Variants in UBE2QL1 observed in about 807,000 individuals in gnomAD.
UBE2QL1 encodes ubiquitin-conjugating enzyme E2Q-like protein 1.
UBE2QL1 carries 5 observed loss-of-function variants against 12.6 expected under a neutral mutation model. The observed-to-expected ratio is 0.40, with a 90% CI of 0.21 to 0.83. The LOEUF is 0.83. Among genes scored for constraint, UBE2QL1 ranks in the 40% least tolerant of loss-of-function variants. The pLI is 0.37. For synonymous variants in UBE2QL1, 96 were observed against 94.5 expected (o/e 1.02, Z -0.10); for missense variants, 99 against 222.6 (o/e 0.44, Z 3.53).
intron 1 of UBE2QL1, among the ~76,000 whole-genome samples, chr5:6,454,358 G>T (rs992912453): frequency 1.3e-5 from 2 of 152,130 alleles, no homozygotes; most frequent in Non-Finnish European, 2.9e-5. Flanking sequence ...TTCTGTGTGT[G>T]TCTGTGTCCT....
intron 1 of UBE2QL1, among the ~76,000 whole-genome samples, chr5:6,471,535 A>C (rs1739912476): frequency 6.6e-6 from 1 of 152,228 alleles, no homozygotes; most frequent in African/African-American, 2.4e-5. Context: ...ACAGCATGGC[A>C]GCTGGCCTCC....
rs1324693897 is a variant in UBE2QL1 at position 6,478,878 on chromosome 5, T to A, written c.355-12340T>A. On this transcript the variant is annotated intron_variant, in intron 1 of 1. Transcript: ENST00000399816. This position sits in a 1 kb window ranked among gnomAD's most constrained non-coding sequence, Gnocchi z 4.5. ...GGAAACAGGCAAAAGGCAGGAGACA[T>A]GGAGAGTGGGTGCCCATCGGTGCAT... is the stretch of plus-strand genomic sequence containing the variant. Among the ~76,000 whole-genome samples, 1 of 152,066 alleles carries A rather than the reference T, an allele frequency of 6.6e-6. No homozygotes were observed. The highest frequency in any genetic ancestry group is 1.5e-5 in the Non-Finnish European group (1 of 67,990).
intron 1 of UBE2QL1, among the ~76,000 whole-genome samples, chr5:6,463,582 G>C (rs917133916): frequency 6.8e-6 from 1 of 147,554 alleles, no homozygotes; most frequent in African/African-American, 2.5e-5. Flanking sequence ...ACCCAGGTAG[G>C]CTTTGTATTT....
intron 1 of UBE2QL1, among the ~76,000 whole-genome samples, chr5:6,457,366 CAGA>C (rs1439658188): frequency 6.6e-6 from 1 of 152,082 alleles, no homozygotes; most frequent in Non-Finnish European, 1.5e-5. Flanking sequence ...CTCTGAACTG[CAGA>C]GGAGGAAGCT....
chr5:6,471,474 T>G (rs1238210388), intron 1 of UBE2QL1, among the ~76,000 whole-genome samples: 1 of 152,226 alleles, frequency 6.6e-6, no homozygotes, highest in Non-Finnish European at 1.5e-5. Flanking sequence ...CTGGGTGGTG[T>G]TGGCTGAAGG....
intron 1 of UBE2QL1, among the ~76,000 whole-genome samples, chr5:6,455,476 G>A (rs1579286389): frequency 6.6e-6 from 1 of 152,142 alleles, no homozygotes; most frequent in East Asian, 1.9e-4. Flanking sequence ...TGTTGATGTA[G>A]TCGGGAGGGG....
chr5:6,493,994 G>C lies in UBE2QL1; in HGVS notation c.*2645G>C, dbSNP rs2126381433. The C allele has an allele frequency of 6.6e-6, 1 of 152,330 alleles. No homozygotes were observed. Among genetic ancestry groups the C allele is most frequent in the South Asian group, 2.1e-4 (1 of 4,826 alleles). 9.4% of individuals were successfully genotyped at this position (152,330 alleles called of 1,614,324 possible). On this transcript the variant is annotated 3_prime_UTR_variant, in exon 2 of 2. Coordinates refer to ENST00000399816, the MANE Select transcript of UBE2QL1 (RefSeq NM_001145161.3). Reference sequence around the variant, plus strand: ...CTATTCCTCTTTGGACAGACAGCGAGGGAATAATCAGACAGTGGGTGCAAA... The same window carrying C: ...CTATTCCTCTTTGGACAGACAGCGACGGAATAATCAGACAGTGGGTGCAAA...
At position 6,495,627 on chromosome 5, in the gene UBE2QL1, A is replaced by G. The variant is rs1043872189; in HGVS notation, c.*4278A>G. ...AGTACAGTTGCAAGTCTTCCAAGCCAGCTGAGAAACACCCACAGGATCCAT... is the reference window on the plus strand; with the variant it reads ...AGTACAGTTGCAAGTCTTCCAAGCCGGCTGAGAAACACCCACAGGATCCAT... On this transcript the variant is annotated 3_prime_UTR_variant, in exon 2 of 2. Coordinates refer to ENST00000399816, the MANE Select transcript of UBE2QL1 (RefSeq NM_001145161.3). Among the ~76,000 whole-genome samples the G allele has an allele frequency of 3.3e-5, 5 of 152,240 alleles. No homozygotes were observed. Among genetic ancestry groups the G allele is most frequent in the Non-Finnish European group, 7.3e-5 (5 of 68,030 alleles).
Position 6,481,502 on chromosome 5 carries a change from A to G in UBE2QL1, c.355-9716A>G, listed in dbSNP as rs1734361807. ...CCCGCACACCTCTCCCTGCAGAACC[A>G]CATCATTTAGGTTCCCTGGTGTGAG... On this transcript the variant is annotated intron_variant, in intron 1 of 1. Transcript: ENST00000399816. This position sits in a 1 kb window ranked among gnomAD's most constrained non-coding sequence, Gnocchi z 4.5. 6.6e-6 allele frequency among the ~76,000 whole-genome samples: 1 copy of G among 152,144 alleles called. No homozygotes were observed. The highest frequency in any genetic ancestry group is 1.5e-5 in the Non-Finnish European group (1 of 68,000).
Position 6,491,582 on chromosome 5 carries a change from C to A in UBE2QL1, c.*233C>A. 2.5e-6 allele frequency: 1 copy of A among 394,740 alleles called. No individual in the cohort carries two copies. Among genetic ancestry groups the A allele is most frequent in the Admixed American group, 4.5e-5 (1 of 22,120 alleles). 24.5% of individuals were successfully genotyped at this position (394,740 alleles called of 1,614,324 possible). On this transcript the variant is annotated 3_prime_UTR_variant, in exon 2 of 2. Coordinates refer to ENST00000399816, the MANE Select transcript of UBE2QL1 (RefSeq NM_001145161.3). ...TAAATGAATGATCACCTCGAAGTCA[C>A]TTTAGAACACATGTTGAGATGGTGA...
chr5:6,449,342 C>T, intron 1 of UBE2QL1, 95 bp downstream of exon 1: 2 of 1,177,176 alleles, frequency 1.7e-6, no homozygotes, highest in Non-Finnish European at 1.1e-6. Context: ...CCAGCGCCGG[C>T]CCCTCCGGCC....
At chr5:6,473,828 A>G (rs1734154753) in intron 1 of UBE2QL1, among the ~76,000 whole-genome samples, 1 of 152,238 alleles carries the variant, frequency 6.6e-6, no homozygotes, top group Non-Finnish European at 1.5e-5. Context: ...AAATATCACA[A>G]TAACAAAGCC....
intron 1 of UBE2QL1, among the ~76,000 whole-genome samples, chr5:6,471,247 T>C (rs1328525940): frequency 6.6e-6 from 1 of 152,222 alleles, no homozygotes; most frequent in African/African-American, 2.4e-5. Context: ...CATAGCCCAT[T>C]ATCCTAAAAC....
At chr5:6,473,554 A>G (rs983527215) in intron 1 of UBE2QL1, among the ~76,000 whole-genome samples, 1 of 152,248 alleles carries the variant, frequency 6.6e-6, no homozygotes, top group Non-Finnish European at 1.5e-5. Context: ...AAGGACCCAC[A>G]TGGCTATTTG....
chr5:6,456,956 C>T (rs1037448755), intron 1 of UBE2QL1, among the ~76,000 whole-genome samples: 2 of 151,810 alleles, frequency 1.3e-5, no homozygotes, highest in Non-Finnish European at 2.9e-5. Flanking sequence ...TCTCCTCTCC[C>T]GCTCTCTTCC....
chr5:6,461,559 A>G (rs1268996961), intron 1 of UBE2QL1, among the ~76,000 whole-genome samples: 1 of 31,432 alleles, frequency 3.2e-5, no homozygotes. Flanking sequence ...CCCCGCCGGC[A>G]TATCATTCTA....
At chr5:6,482,892 ACT>A (rs1166054494) in intron 1 of UBE2QL1, among the ~76,000 whole-genome samples, 1 of 152,038 alleles carries the variant, frequency 6.6e-6, no homozygotes, top group African/African-American at 2.4e-5. Context: ...AAGCAGAGGC[ACT>A]CTCATCTAGA....
chr5:6,449,320 C>T, intron 1 of UBE2QL1, 73 bp downstream of exon 1: 1 of 1,280,980 alleles, frequency 7.8e-7, no homozygotes, highest in Non-Finnish European at 9.9e-7. Flanking sequence ...CGCCCGGGCC[C>T]CGTGGTGAGG....
chr5:6,487,514 A>G (rs1198066389), intron 1 of UBE2QL1, among the ~76,000 whole-genome samples: 1 of 152,246 alleles, frequency 6.6e-6, no homozygotes, highest in African/African-American at 2.4e-5. Flanking sequence ...GTTGTAGTGG[A>G]TGAGTGAAGA....
Sources: gnomAD v4.1 joint callset for allele counts (sites outside exome capture counted in the v4.1 genomes callset) on GRCh38, gnomAD v4.1.1 for gene constraint, Gnocchi (gnomAD v3.1) non-coding constraint, MANE v1.5 for transcripts, NCBI Gene and HGNC (gene_info 2026-07-23, HGNC 2026-07-21) for gene names.